The following PHF24 variants were observed in gnomAD, a reference collection of about 807,000 sequenced individuals.
The protein encoded by PHF24 is Galpha inhibitory interacting protein.
A neutral mutation model predicts 42.6 loss-of-function variants in PHF24; 25 were observed. The ratio of observed to expected loss-of-function variants is 0.59; its 90% CI spans 0.43 to 0.82. The LOEUF (loss-of-function observed/expected upper bound fraction) is 0.82, where lower values mean the gene tolerates loss of function less well. Among genes scored for constraint, PHF24 ranks in the 40% least tolerant of loss-of-function variants. PHF24 has a pLI of 0.00. For missense variants in PHF24, 470 were observed against 538.1 expected (o/e 0.87, Z 1.25); for synonymous variants, 185 against 204.8 (o/e 0.90, Z 0.83).
intron 1 of PHF24, among the ~76,000 whole-genome samples, chr9:34,966,586 C>A (rs936581660): frequency 6.6e-6 from 1 of 151,904 alleles, no homozygotes; most frequent in African/African-American, 2.4e-5. Flanking sequence ...CGAGACCCCC[C>A]CCCTCGCCCC....
the PHF24 span, among the ~76,000 whole-genome samples, chr9:34,760,896 GTGGGAGGATTGCT>G: frequency 1.3e-5 from 2 of 152,228 alleles, no homozygotes; most frequent in East Asian, 3.9e-4. Context: ...GGAGGCTGAG[GTGGGAGGATTGCT>G]TCAGCCCAGG....
At chr9:34,863,391 G>A in the PHF24 span, among the ~76,000 whole-genome samples, 1 of 150,894 alleles carries the variant, frequency 6.6e-6, no homozygotes, top group Non-Finnish European at 1.5e-5. Flanking sequence ...AGGGGTGCTT[G>A]TGAGCCACCC....
the PHF24 span, chr9:34,723,541 G>A: frequency 1.9e-6 from 3 of 1,551,786 alleles, no homozygotes; most frequent in Non-Finnish European, 2.6e-6. Flanking sequence ...AGAACATGGA[G>A]TCCTCATGCC....
the PHF24 span, among the ~76,000 whole-genome samples, chr9:34,720,288 A>T: frequency 6.6e-6 from 1 of 152,076 alleles, no homozygotes; most frequent in African/African-American, 2.4e-5. Flanking sequence ...ACTAAAAAAT[A>T]CAAAAAATTA....
the PHF24 span, among the ~76,000 whole-genome samples, chr9:34,906,242 C>T: frequency 6.6e-6 from 1 of 152,050 alleles, no homozygotes; most frequent in Non-Finnish European, 1.5e-5. Flanking sequence ...AGAAAGTGTG[C>T]CTGCCTCAGT....
the PHF24 span, among the ~76,000 whole-genome samples, chr9:34,694,153 T>G: frequency 7.1e-6 from 1 of 140,064 alleles, no homozygotes; most frequent in Non-Finnish European, 1.5e-5. Context: ...CGGGTCTATC[T>G]CTATTCTTTT....
At chr9:34,890,306 C>G in the PHF24 span, among the ~76,000 whole-genome samples, 3 of 152,188 alleles carry the variant, frequency 2.0e-5, no homozygotes, top group Admixed American at 2.0e-4. Flanking sequence ...CTTTGAATGT[C>G]ATCAAATGTC....
At chr9:34,785,541 A>C in the PHF24 span, among the ~76,000 whole-genome samples, 1 of 152,234 alleles carries the variant, frequency 6.6e-6, no homozygotes, top group East Asian at 1.9e-4. Context: ...GAATAACCTA[A>C]GAATGCAAGG....
chr9:34,725,004 G>T, the PHF24 span: 1 of 1,552,048 alleles, frequency 6.4e-7, no homozygotes, highest in Non-Finnish European at 8.7e-7. Flanking sequence ...TGTTGCTGCT[G>T]ATCAAGGGCC....
chr9:34,977,480 C>T, intron 6 of PHF24, 66 bp from the exon 7 acceptor site: 2 of 1,493,644 alleles, frequency 1.3e-6, no homozygotes, highest in South Asian at 2.4e-5. Flanking sequence ...TTGGGCTTAC[C>T]AGAGTTTGGG....
At chr9:34,882,943 A>G in the PHF24 span, among the ~76,000 whole-genome samples, 1 of 152,236 alleles carries the variant, frequency 6.6e-6, no homozygotes, top group Admixed American at 6.5e-5. Context: ...TGGAGGCATC[A>G]CGCTACCTGA....
the PHF24 span, among the ~76,000 whole-genome samples, chr9:34,915,915 C>T: frequency 1.4e-3 from 2 of 1,404 alleles, no homozygotes; most frequent in Non-Finnish European, 1.9e-3. Context: ...GCGGTCCCCC[C>T]CCACACCACC....
chr9:34,922,221 C>A, the PHF24 span: 1 of 1,591,826 alleles, frequency 6.3e-7, no homozygotes, highest in Non-Finnish European at 8.6e-7. Flanking sequence ...AGCTTTGTCT[C>A]CTCGGGTATC....
chr9:34,775,165 C>CAG, the PHF24 span, among the ~76,000 whole-genome samples: 1 of 152,086 alleles, frequency 6.6e-6, no homozygotes, highest in South Asian at 2.1e-4. Context: ...TATTCTTCAG[C>CAG]AGATGAAGAG....
chr9:34,964,752 A>G (rs1826710548), intron 1 of PHF24, among the ~76,000 whole-genome samples: 1 of 152,176 alleles, frequency 6.6e-6, no homozygotes, highest in Admixed American at 6.6e-5. Context: ...CTTACCCAAG[A>G]CAGATTCTAC....
chr9:34,729,173 A>G, the PHF24 span: 1 of 1,277,452 alleles, frequency 7.8e-7, no homozygotes. Flanking sequence ...CACAAAGGTA[A>G]CTGAAAGTAT....
chr9:34,828,023 C>A, the PHF24 span, among the ~76,000 whole-genome samples: 1 of 151,910 alleles, frequency 6.6e-6, no homozygotes, highest in Non-Finnish European at 1.5e-5. Context: ...TACACACTCA[C>A]ACTGCCACCA....
the PHF24 span, among the ~76,000 whole-genome samples, chr9:34,909,682 C>A: frequency 9.4e-5 from 14 of 149,700 alleles, 1 homozygote; most frequent in Admixed American, 7.3e-4. Flanking sequence ...AGTGCAGTGG[C>A]GCGATCTCGG....
At chr9:34,797,145 G>C in the PHF24 span, among the ~76,000 whole-genome samples, 2 of 152,062 alleles carry the variant, frequency 1.3e-5, no homozygotes, top group African/African-American at 4.8e-5. Flanking sequence ...TGCTTCTTCC[G>C]TGCCCAGCTG....
Sources: allele counts gnomAD v4.1 joint callset (sites outside exome capture counted in the v4.1 genomes callset), GRCh38; gene constraint gnomAD v4.1.1; transcripts MANE v1.5; gene names NCBI Gene and HGNC (gene_info 2026-07-23, HGNC 2026-07-21).